The following EPB41L2 variants were observed in gnomAD, a reference collection of about 807,000 sequenced individuals.
The protein encoded by EPB41L2 is erythrocyte membrane protein band 4.1 like 2.
EPB41L2 carries 43 observed loss-of-function variants against 113.0 expected under a neutral mutation model. That is an observed-to-expected ratio of 0.38 (90% CI 0.30 to 0.49). EPB41L2 has a LOEUF of 0.49. Among genes scored for constraint, EPB41L2 ranks in the 20% least tolerant of loss-of-function variants. The pLI, the probability that EPB41L2 is intolerant of heterozygous loss-of-function variation, is 0.95. For synonymous variants in EPB41L2, 442 were observed against 436.7 expected, an observed-to-expected ratio of 1.01 and a Z score of -0.15; for missense variants, 1,147 against 1,223.4, an observed-to-expected ratio of 0.94 and a Z score of 0.93.
At chr6:131,003,933 T>C (rs1388741788) in intron 1 of EPB41L2, among the ~76,000 whole-genome samples, 1 of 152,196 alleles carries the variant, frequency 6.6e-6, no homozygotes, top group Non-Finnish European at 1.5e-5. Flanking sequence ...CCCAACGCTG[T>C]TGAACATAAA....
At chr6:130,949,308 G>C (rs756820273) in intron 3 of EPB41L2, among the ~76,000 whole-genome samples, 3 of 152,076 alleles carry the variant, frequency 2.0e-5, no homozygotes, top group Non-Finnish European at 4.4e-5. Flanking sequence ...GGTCAAAAAT[G>C]ATACATAATG....
At chr6:130,930,421 T>C (rs1026385845) in intron 3 of EPB41L2, among the ~76,000 whole-genome samples, 5 of 152,164 alleles carry the variant, frequency 3.3e-5, no homozygotes, top group African/African-American at 7.2e-5. Flanking sequence ...AAAATGCTCA[T>C]TGGAGCATTT....
chr6:131,045,014 T>C (rs887187547), intron 1 of EPB41L2, among the ~76,000 whole-genome samples: 11 of 152,140 alleles, frequency 7.2e-5, no homozygotes, highest in Admixed American at 3.3e-4. Flanking sequence ...AGATGTAAAA[T>C]ATATTTCTTC....
intron 7 of EPB41L2, 83 bp from the exon 8 acceptor site, chr6:130,899,661 A>C: frequency 7.7e-7 from 1 of 1,299,912 alleles, no homozygotes; most frequent in Non-Finnish European, 1.1e-6. Flanking sequence ...CTGTGCTCAG[A>C]GGGTTTGGAG....
At chr6:130,912,845 G>A (rs1799841983) in intron 4 of EPB41L2, among the ~76,000 whole-genome samples, 1 of 151,910 alleles carries the variant, frequency 6.6e-6, no homozygotes, top group African/African-American at 2.4e-5. Context: ...TTCACCCAAG[G>A]AACAACCATA....
chr6:130,899,412 G>T, intron 8 of EPB41L2, 79 bp downstream of exon 8: 1 of 1,124,222 alleles, frequency 8.9e-7, no homozygotes, highest in Non-Finnish European at 1.3e-6. Context: ...AATAAGCTGT[G>T]CTATCCTGAA....
At chr6:130,958,322 C>T (rs34948572) in intron 1 of EPB41L2, among the ~76,000 whole-genome samples, 14,107 of 151,936 alleles carry the variant, frequency 0.093, 1,041 homozygotes, top group African/African-American at 0.2. Context: ...CGTGGTGGCA[C>T]GTCTCTGTAA....
At position 130,926,697 on chromosome 6, in the gene EPB41L2, C is replaced by G. The variant is rs776286503; in HGVS notation, c.718G>C (p.Gly240Arg). The change falls in exon 4 of 20, where the codon GGA becomes CGA. Residue 240 changes from glycine (G) to arginine (R), a missense_variant. By Grantham distance (125) the Gly-to-Arg change is moderately radical. Transcript: ENST00000337057. ...CACACTTTGTCAAATAACACTTGTC[C>G]CTTGGCATGTTTCTGGAGAAAAAAT... is the stretch of plus-strand genomic sequence containing the variant. The part of the protein sequence containing the change: ...YSCDLEKHAK[G>R]QVLFDKVCEH... 6.7e-5 allele frequency: 107 copies of G among 1,598,882 alleles called. No individual in the cohort carries two copies. The highest frequency in any genetic ancestry group is 8.5e-5 in the Non-Finnish European group (100 of 1,175,834).
chr6:130,970,546 G>A (rs558103786), intron 1 of EPB41L2: 8 of 152,192 alleles, frequency 5.3e-5, no homozygotes, highest in Admixed American at 3.3e-4. Context: ...AAGAACCTTC[G>A]GCATAGAAAC....
At position 130,878,266 on chromosome 6, in the gene EPB41L2, G is replaced by GT. The variant is rs1562370695; in HGVS notation, c.1897-17dup. 1.3e-6 allele frequency: 2 copies of GT among 1,582,922 alleles called. No individual in the cohort carries two copies. The highest frequency in any genetic ancestry group is 8.6e-7 in the Non-Finnish European group (1 of 1,169,078). Reference sequence around the variant, plus strand: ...TATCCAGTTCCTAGCAATATGTAACGTAACAAAGGGGGGAAAAATCCAAAA... The same window carrying GT: ...TATCCAGTTCCTAGCAATATGTAACGTTAACAAAGGGGGGAAAAATCCAAAA... On this transcript the variant is annotated splice_polypyrimidine_tract_variant and intron_variant, in intron 13 of 19. Coordinates refer to ENST00000337057, the MANE Select transcript of EPB41L2 (RefSeq NM_001431.4).
intron 1 of EPB41L2, among the ~76,000 whole-genome samples, chr6:131,023,537 G>C (rs1200923617): frequency 6.6e-6 from 1 of 151,916 alleles, no homozygotes; most frequent in Non-Finnish European, 1.5e-5. Flanking sequence ...ACAAAAATTA[G>C]CCGGGCATGG....
chr6:130,873,801 T>C (rs1362176087), intron 14 of EPB41L2, among the ~76,000 whole-genome samples: 2 of 152,082 alleles, frequency 1.3e-5, no homozygotes, highest in Admixed American at 1.3e-4. Flanking sequence ...TCAATGACGC[T>C]CCTAAGGGGC....
At chr6:131,050,559 A>G (rs1218813318) in intron 1 of EPB41L2, among the ~76,000 whole-genome samples, 1 of 152,182 alleles carries the variant, frequency 6.6e-6, no homozygotes, top group Admixed American at 6.5e-5. Context: ...CTACTGACTC[A>G]CTACAATATT....
chr6:130,909,486 A>G (rs1364368988), intron 4 of EPB41L2, among the ~76,000 whole-genome samples: 1 of 152,006 alleles, frequency 6.6e-6, no homozygotes, highest in African/African-American at 2.4e-5. Flanking sequence ...ATCACAAGGA[A>G]CTCCTTAAGA....
intron 1 of EPB41L2, among the ~76,000 whole-genome samples, chr6:131,028,159 C>T (rs1791287279): frequency 6.6e-6 from 1 of 152,158 alleles, no homozygotes; most frequent in Non-Finnish European, 1.5e-5. Flanking sequence ...ATCAGGATTA[C>T]CGACACCTTC....
Position 130,895,040 on chromosome 6 carries a change from C to T in EPB41L2, c.1316G>A (p.Arg439His), listed in dbSNP as rs1335941999. Residue 439 changes from arginine (R) to histidine (H), a missense_variant, in exon 9 of 20, where the codon CGT (arginine) becomes CAT (histidine). By Grantham distance (29) the Arg-to-His change is conservative. Coordinates refer to ENST00000337057, the MANE Select transcript of EPB41L2 (RefSeq NM_001431.4). Reference protein sequence around the residue: ...LIYKDRLRINRFAWPKILKIS... With the variant: ...LIYKDRLRINHFAWPKILKIS... ...TTTTAAGATTTTCGGCCAAGCAAAA[C>T]GATTGATTCGCAGTCTGTCTTTGTA... 2.5e-6 allele frequency: 4 copies of T among 1,613,966 alleles called. No homozygotes were observed. Among genetic ancestry groups the T allele is most frequent in the East Asian group, 2.2e-5 (1 of 44,874 alleles).
intron 10 of EPB41L2, among the ~76,000 whole-genome samples, chr6:130,891,428 T>TTTATTTACTTACTTACTTAC (rs67670350): frequency 2.0e-5 from 3 of 149,364 alleles, no homozygotes; most frequent in African/African-American, 5.1e-5. Flanking sequence ...TATTTATTTA[T>TTTATTTACTTACTTACTTAC]TTACTTACTT....
At chr6:131,049,458 T>G (rs895037603) in intron 1 of EPB41L2, among the ~76,000 whole-genome samples, 1 of 152,182 alleles carries the variant, frequency 6.6e-6, no homozygotes, top group African/African-American at 2.4e-5. Flanking sequence ...TTAAGAGAAG[T>G]GGATTAAAGA....
chr6:131,028,914 C>T (rs539205481), intron 1 of EPB41L2, among the ~76,000 whole-genome samples: 2 of 152,272 alleles, frequency 1.3e-5, no homozygotes, highest in Non-Finnish European at 2.9e-5. Context: ...TGTATACATA[C>T]AAATGCTATA....
Sources: gnomAD v4.1 joint callset for allele counts (sites outside exome capture counted in the v4.1 genomes callset) on GRCh38, gnomAD v4.1.1 for gene constraint, MANE v1.5 for transcripts, NCBI Gene and HGNC (gene_info 2026-07-23, HGNC 2026-07-21) for gene names.